CCDC88A: variants seen among roughly 807,000 people sequenced by gnomAD.
CCDC88A encodes the protein girdin.
Under a neutral mutation model 234.3 loss-of-function variants are expected in CCDC88A, and 54 were observed. The observed-to-expected ratio is 0.23, with a 90% CI of 0.19 to 0.29. The LOEUF (loss-of-function observed/expected upper bound fraction) is 0.29, where lower values mean the gene tolerates loss of function less well. Among genes scored for constraint, CCDC88A ranks in the 10% least tolerant of loss-of-function variants. CCDC88A has a pLI of 1.00. For missense variants in CCDC88A, 1,832 were observed against 2,123.4 expected (o/e 0.86, Z 2.70); for synonymous variants, 753 against 737.8 (o/e 1.02, Z -0.33).
chr2:55,367,473 T>A (rs1672144767), intron 5 of CCDC88A, among the ~76,000 whole-genome samples: 1 of 150,460 alleles, frequency 6.6e-6, no homozygotes, highest in Admixed American at 6.7e-5. Context: ...TATATTTGTA[T>A]TTTTAAATAT....
At chr2:55,354,088 A>T (rs1345374972) in intron 8 of CCDC88A, among the ~76,000 whole-genome samples, 3 of 152,194 alleles carry the variant, frequency 2.0e-5, no homozygotes, top group African/African-American at 7.2e-5. Context: ...TTTTAAACAT[A>T]TCTAAACATA....
intron 3 of CCDC88A, among the ~76,000 whole-genome samples, chr2:55,385,351 C>A (rs1030600364): frequency 6.6e-6 from 1 of 152,038 alleles, no homozygotes; most frequent in Non-Finnish European, 1.5e-5. Flanking sequence ...ATGGGTTAAA[C>A]AGAAGATTTG....
At chr2:55,339,321 C>T (rs1203013458) in intron 13 of CCDC88A, 143 bp downstream of exon 13, 4 of 785,430 alleles carry the variant, frequency 5.1e-6, no homozygotes, top group Non-Finnish European at 7.8e-6. Context: ...TCATTCACAC[C>T]ATATTTGTGT....
chr2:55,295,104 T>C, intron 31 of CCDC88A: 1 of 1,304,468 alleles, frequency 7.7e-7, no homozygotes, highest in South Asian at 1.2e-5. Context: ...TTGATTATCC[T>C]CAGAAACCAA....
chr2:55,406,086 A>C (rs1037996303), intron 2 of CCDC88A: 1 of 149,798 alleles, frequency 6.7e-6, no homozygotes, highest in African/African-American at 2.5e-5. Flanking sequence ...TGAATCCGGG[A>C]GGTGGAGGTT....
intron 17 of CCDC88A, chr2:55,324,042 T>C (rs1683960482): frequency 6.6e-6 from 1 of 152,200 alleles, no homozygotes; most frequent in African/African-American, 2.4e-5. Flanking sequence ...CCCATTGTTC[T>C]TTCAAGTAAG....
chr2:55,322,004 A>AGTATTT (rs61435110), intron 18 of CCDC88A, among the ~76,000 whole-genome samples: 5,247 of 151,204 alleles, frequency 0.035, 270 homozygotes, highest in African/African-American at 0.12. Flanking sequence ...TTGAAGGGTA[A>AGTATTT]GTATTTGTTG....
intron 2 of CCDC88A, among the ~76,000 whole-genome samples, chr2:55,398,952 T>C (rs1297755495): frequency 2.0e-5 from 3 of 152,138 alleles, no homozygotes; most frequent in East Asian, 3.8e-4. Context: ...TAGAAAATTA[T>C]GCAAATCAAG....
chr2:55,391,888 T>C (rs1173627419), intron 2 of CCDC88A, among the ~76,000 whole-genome samples: 2 of 152,220 alleles, frequency 1.3e-5, no homozygotes, highest in African/African-American at 4.8e-5. Flanking sequence ...ATAGATTCAG[T>C]TCAGAATCGC....
intron 2 of CCDC88A, among the ~76,000 whole-genome samples, chr2:55,416,761 G>C (rs1166099532): frequency 6.6e-6 from 1 of 151,602 alleles, no homozygotes; most frequent in Non-Finnish European, 1.5e-5. Context: ...TCTAAGTAAA[G>C]TGCTTAACAG....
At chr2:55,385,076 A>T (rs1675369813) in intron 3 of CCDC88A, among the ~76,000 whole-genome samples, 1 of 152,070 alleles carries the variant, frequency 6.6e-6, no homozygotes, top group Admixed American at 6.6e-5. Flanking sequence ...TCCCCCCAAA[A>T]AATGAGTTCA....
At chr2:55,292,003 T>G in intron 31 of CCDC88A, 1 of 295,520 alleles carries the variant, frequency 3.4e-6, no homozygotes, top group Non-Finnish European at 6.0e-6. Context: ...ACTATAACAA[T>G]TACATTTCCC....
chr2:55,401,499 CATATATATATAT>C (rs70954117), intron 2 of CCDC88A, among the ~76,000 whole-genome samples: 12,744 of 54,466 alleles, frequency 0.23, 2,501 homozygotes, highest in East Asian at 0.51. Context: ...TGTGTGTATA[CATATATATATAT>C]ATATATATAT....
intron 9 of CCDC88A, among the ~76,000 whole-genome samples, chr2:55,347,808 C>T (rs758996763): frequency 5.9e-5 from 9 of 151,784 alleles, no homozygotes; most frequent in East Asian, 1.9e-4. Flanking sequence ...GACAGAGTTT[C>T]GCCATGTTGC....
chr2:55,358,237 A>C (rs963350521), intron 7 of CCDC88A, among the ~76,000 whole-genome samples: 1 of 152,224 alleles, frequency 6.6e-6, no homozygotes, highest in Non-Finnish European at 1.5e-5. Context: ...GTATTATGCC[A>C]GTTTTAGACA....
Position 55,328,588 on chromosome 2 carries a change from C to T in CCDC88A, c.2856-153G>A, listed in dbSNP as rs758886965. On this transcript the variant is annotated intron_variant, in intron 16 of 32. Transcript: ENST00000436346. The surrounding 1 kb of genome is among the most constrained non-coding windows in gnomAD (Gnocchi z 4.3). ...TGAAATTATCCTCTTCTTACTGCCC[C>T]ATTCTCCCTTTAAAACTAATCCTGG... The T allele has an allele frequency of 8.2e-6, 4 of 489,872 alleles. No individual in the cohort carries two copies. The highest frequency in any genetic ancestry group is 2.0e-5 in the African/African-American group (1 of 49,220). The allele number at this position is 489,872 out of a possible 1,614,324, so 30.3% of individuals were successfully genotyped here.
intron 2 of CCDC88A, among the ~76,000 whole-genome samples, chr2:55,399,056 C>T (rs1678119847): frequency 6.6e-6 from 1 of 151,834 alleles, no homozygotes; most frequent in Non-Finnish European, 1.5e-5. Context: ...TTAACTAAAC[C>T]TGTGTTAACT....
chr2:55,393,157 T>G (rs1415519649), intron 2 of CCDC88A, among the ~76,000 whole-genome samples: 2 of 151,916 alleles, frequency 1.3e-5, no homozygotes, highest in Non-Finnish European at 2.9e-5. Flanking sequence ...AACTCTTACA[T>G]ATTTAAGTTT....
At chr2:55,304,758 C>T (rs910318295) in intron 25 of CCDC88A, among the ~76,000 whole-genome samples, 3 of 152,116 alleles carry the variant, frequency 2.0e-5, no homozygotes, top group East Asian at 1.9e-4. Context: ...TCTTAAGCTA[C>T]ATTTTAGTAA....
Sources: allele counts gnomAD v4.1 joint callset (sites outside exome capture counted in the v4.1 genomes callset), GRCh38; gene constraint gnomAD v4.1.1; non-coding constraint Gnocchi (gnomAD v3.1); transcripts MANE v1.5; gene names NCBI Gene and HGNC (gene_info 2026-07-23, HGNC 2026-07-21).